The following NRIP1 variants were observed in gnomAD, a reference collection of about 807,000 sequenced individuals.
NRIP1 encodes nuclear receptor interacting protein 1.
Under a neutral mutation model 75.0 loss-of-function variants are expected in NRIP1, and 28 were observed. The ratio of observed to expected loss-of-function variants is 0.37; its 90% confidence interval spans 0.28 to 0.51. The LOEUF is 0.51. Among genes scored for constraint, NRIP1 ranks in the 20% least tolerant of loss-of-function variants. The pLI is 0.92. For synonymous variants in NRIP1, 526 were observed against 487.6 expected, an observed-to-expected ratio of 1.08 and a Z score of -1.04; for missense variants, 1,435 against 1,343.7, an observed-to-expected ratio of 1.07 and a Z score of -1.06.
chr21:15,021,264 T>C (rs575811337), intron 2 of NRIP1, among the ~76,000 whole-genome samples: 123 of 152,300 alleles, frequency 8.1e-4, no homozygotes, highest in African/African-American at 2.8e-3. Context: ...AACTTAATGC[T>C]TAGTGAAAGA....
rs1239202076 is a variant in NRIP1, at chr21:14,963,764, T to C, written c.*952A>G. The C allele has an allele frequency of 2.0e-5, 3 of 152,150 alleles. No homozygotes were observed. The highest frequency in any genetic ancestry group is 4.1e-4 in the South Asian group (2 of 4,832). 9.4% of individuals were successfully genotyped at this position (152,150 alleles called of 1,614,324 possible). A position where few individuals can be genotyped will look rare whatever the true frequency, so the allele number is the denominator to read the frequency against. ...AAACAAGTGCTCCAGATGGTTCTAA[T>C]GCAAGTGGTCTGAGTTCAGGTTTAA... On this transcript the variant is annotated 3_prime_UTR_variant, in exon 4 of 4. Transcript: ENST00000318948.
At chr21:15,011,372 G>C (rs576969885) in intron 3 of NRIP1, among the ~76,000 whole-genome samples, 98 of 152,212 alleles carry the variant, frequency 6.4e-4, no homozygotes, top group African/African-American at 2.3e-3. Flanking sequence ...TGTATTTTTA[G>C]TACAGACAGG....
intron 2 of NRIP1, among the ~76,000 whole-genome samples, chr21:15,041,656 A>G (rs902633866): frequency 1.3e-5 from 2 of 152,158 alleles, no homozygotes; most frequent in Non-Finnish European, 2.9e-5. Context: ...TATCAACTCT[A>G]TTGAAACATA....
At chr21:15,022,545 A>C (rs1053609984) in intron 2 of NRIP1, among the ~76,000 whole-genome samples, 2 of 152,230 alleles carry the variant, frequency 1.3e-5, no homozygotes, top group South Asian at 4.1e-4. Context: ...AACTTAAAAT[A>C]AAAGTTGAAG....
chr21:14,980,440 C>T (rs905472944), intron 3 of NRIP1, among the ~76,000 whole-genome samples: 4 of 151,822 alleles, frequency 2.6e-5, no homozygotes, highest in Non-Finnish European at 4.4e-5. Flanking sequence ...CACTATTGCA[C>T]TCCAGCTGGG....
intron 3 of NRIP1, among the ~76,000 whole-genome samples, chr21:14,988,457 A>ATAGATAGG (rs200763678): frequency 1.5e-4 from 22 of 151,038 alleles, no homozygotes; most frequent in African/African-American, 5.4e-4. Context: ...AGATAGATAG[A>ATAGATAGG]CAGACAGATA....
chr21:14,988,073 A>G (rs2087454366), intron 3 of NRIP1: 1 of 152,146 alleles, frequency 6.6e-6, no homozygotes, highest in Non-Finnish European at 1.5e-5. Flanking sequence ...TCTTGCTTTT[A>G]TTAGGAAGGC....
Position 14,963,499 on chromosome 21 carries a change from T to C in NRIP1, c.*1217A>G, listed in dbSNP as rs2086643113. 6.6e-6 allele frequency: 1 copy of C among 152,544 alleles called. No individual in the cohort carries two copies. Among genetic ancestry groups the C allele is most frequent in the Non-Finnish European group, 1.5e-5 (1 of 67,996 alleles). 9.4% of individuals were successfully genotyped at this position (152,544 alleles called of 1,614,324 possible). A position where few individuals can be genotyped will look rare whatever the true frequency, so the allele number is the denominator to read the frequency against. ...TTTCCAAAGACATAACGGTAATATA[T>C]GAACTACAATATTGCAAATTTTGAG... On this transcript the variant is annotated 3_prime_UTR_variant, in exon 4 of 4. Transcript: ENST00000318948.
rs1173677097 is a variant in NRIP1, at chr21:14,963,138, TTC to T, written c.*1576_*1577del. 3.9e-5 allele frequency: 6 copies of T among 152,412 alleles called. No individual in the cohort carries two copies. Among genetic ancestry groups the T allele is most frequent in the Non-Finnish European group, 8.8e-5 (6 of 67,958 alleles). The allele number at this position is 152,412 out of a possible 1,614,324, so 9.4% of individuals were successfully genotyped here. A position where few individuals can be genotyped will look rare whatever the true frequency, so the allele number is the denominator to read the frequency against. On this transcript the variant is annotated 3_prime_UTR_variant, in exon 4 of 4. Coordinates refer to ENST00000318948, the MANE Select transcript of NRIP1 (RefSeq NM_003489.4). ...GATCCAATGGAGTGATTGTGTACAA[TTC>T]TGTCACGTATATGTGCCCTTTGTAC...
chr21:15,019,715 T>C (rs1197411612), intron 2 of NRIP1, among the ~76,000 whole-genome samples: 1 of 152,038 alleles, frequency 6.6e-6, no homozygotes, highest in African/African-American at 2.4e-5. Context: ...CTTGAACTCC[T>C]GACCTCAGGT....
chr21:15,043,020 G>T (rs1157704796), intron 2 of NRIP1, among the ~76,000 whole-genome samples: 3 of 152,164 alleles, frequency 2.0e-5, no homozygotes, highest in Admixed American at 2.0e-4. Flanking sequence ...GCAAAACCAG[G>T]TGGCCTGGCT....
chr21:15,001,375 C>T (rs1240291753), intron 3 of NRIP1, among the ~76,000 whole-genome samples: 1 of 152,144 alleles, frequency 6.6e-6, no homozygotes, highest in African/African-American at 2.4e-5. Context: ...CAGATTTATA[C>T]ACAACCGAAA....
At chr21:15,030,806 A>G (rs909005742) in intron 2 of NRIP1, among the ~76,000 whole-genome samples, 2 of 152,230 alleles carry the variant, frequency 1.3e-5, no homozygotes, top group Non-Finnish European at 2.9e-5. Flanking sequence ...ATAGATCACG[A>G]CATTCCCTTT....
intron 3 of NRIP1, among the ~76,000 whole-genome samples, chr21:14,976,787 G>A (rs545208026): frequency 6.6e-6 from 1 of 152,074 alleles, no homozygotes; most frequent in Non-Finnish European, 1.5e-5. Flanking sequence ...AATGACAACG[G>A]TCTTTCTCCA....
At chr21:15,034,791 CATAAAAA>C (rs1410855033) in intron 2 of NRIP1, among the ~76,000 whole-genome samples, 3 of 150,962 alleles carry the variant, frequency 2.0e-5, no homozygotes, top group South Asian at 2.1e-4. Flanking sequence ...AGTAAATGAA[CATAAAAA>C]ATAAAAAATA....
intron 2 of NRIP1, among the ~76,000 whole-genome samples, chr21:15,032,340 T>G (rs1253668916): frequency 1.3e-5 from 2 of 152,220 alleles, no homozygotes; most frequent in Non-Finnish European, 2.9e-5. Flanking sequence ...TCAAGTAACT[T>G]ACTGTAGACA....
At chr21:15,030,889 G>A (rs1163204874) in intron 2 of NRIP1, among the ~76,000 whole-genome samples, 1 of 150,942 alleles carries the variant, frequency 6.6e-6, no homozygotes. Context: ...ACTCTGGAAG[G>A]CGCTCGGAGG....
chr21:14,965,174 T>C lies in NRIP1; in HGVS notation c.3019A>G (p.Lys1007Glu), dbSNP rs1329431571. The C allele has an allele frequency of 3.1e-6, 5 of 1,613,390 alleles. No individual in the cohort carries two copies. Among genetic ancestry groups the C allele is most frequent in the Non-Finnish European group, 4.2e-6 (5 of 1,179,912 alleles). The change falls in exon 4 of 4, where the codon AAA (lysine) becomes GAA (glutamate). Residue 1007 changes from lysine to glutamate, a missense_variant. Physicochemically the swap from Lys to Glu is moderately conservative, Grantham distance 56 (BLOSUM62 1). Coordinates refer to ENST00000318948, the MANE Select transcript of NRIP1 (RefSeq NM_003489.4). ...NRTFSYPGVV[K>E]TPVSPTFPEH... ...GGGAAAGTAGGACTCACAGGAGTTT[T>C]TACTACACCTGGGTATGAAAATGTC...
intron 3 of NRIP1, among the ~76,000 whole-genome samples, chr21:15,007,714 A>G (rs948263456): frequency 1.3e-5 from 2 of 152,216 alleles, no homozygotes; most frequent in Non-Finnish European, 2.9e-5. Flanking sequence ...GACTTAAATT[A>G]TAATGTGGTT....
Sources: allele counts gnomAD v4.1 joint callset (sites outside exome capture counted in the v4.1 genomes callset), GRCh38; gene constraint gnomAD v4.1.1; transcripts MANE v1.5; gene names NCBI Gene and HGNC (gene_info 2026-07-23, HGNC 2026-07-21).